The following LRRC7 variants were observed in gnomAD, a reference collection of about 807,000 sequenced individuals.
The protein encoded by LRRC7 is leucine-rich repeat-containing protein 7.
LRRC7 carries 23 observed loss-of-function variants against 175.7 expected under a neutral mutation model. The observed-to-expected ratio is 0.13, with a 90% CI of 0.09 to 0.19. LRRC7 has a LOEUF of 0.19. Ranked by LOEUF, LRRC7 falls within the 10% of genes least tolerant of loss-of-function variation. The pLI is 1.00. For missense variants in LRRC7, 1,354 were observed against 1,904.7 expected, an observed-to-expected ratio of 0.71 and a Z score of 5.38; for synonymous variants, 685 against 680.9, an observed-to-expected ratio of 1.01 and a Z score of -0.09.
At chr1:69,778,395 A>G (rs1190681646) in intron 3 of LRRC7, among the ~76,000 whole-genome samples, 1 of 152,218 alleles carries the variant, frequency 6.6e-6, no homozygotes, top group Non-Finnish European at 1.5e-5. Context: ...TTCCATGGGA[A>G]CTAGTGCAGT....
chr1:69,746,972 T>C (rs1397503525), intron 2 of LRRC7, among the ~76,000 whole-genome samples: 1 of 152,168 alleles, frequency 6.6e-6, no homozygotes, highest in Non-Finnish European at 1.5e-5. Context: ...ACTCTTTCCT[T>C]GGCTTCTAGA....
chr1:70,052,170 GC>G (rs60642013), intron 22 of LRRC7, among the ~76,000 whole-genome samples: 19,351 of 151,802 alleles, frequency 0.13, 1,679 homozygotes, highest in African/African-American at 0.24. Context: ...GAAGAAAGGA[GC>G]CTTTGTGAAA....
chr1:69,700,370 C>T (rs1352421197), intron 2 of LRRC7, among the ~76,000 whole-genome samples: 1 of 152,172 alleles, frequency 6.6e-6, no homozygotes, highest in African/African-American at 2.4e-5. Flanking sequence ...CACTATGTAA[C>T]TATGTGCTAT....
intron 2 of LRRC7, among the ~76,000 whole-genome samples, chr1:69,752,231 C>A (rs558733201): frequency 6.6e-6 from 1 of 152,202 alleles, no homozygotes; most frequent in East Asian, 1.9e-4. Context: ...ACGAGTCTGG[C>A]AGATTTCCAT....
intron 1 of LRRC7, among the ~76,000 whole-genome samples, chr1:69,628,913 T>C (rs954842011): frequency 3.3e-5 from 5 of 152,086 alleles, no homozygotes; most frequent in African/African-American, 1.2e-4. Context: ...ACTGGATATA[T>C]ATGGGCAGGA....
At chr1:69,720,466 T>A (rs538861674) in intron 2 of LRRC7, among the ~76,000 whole-genome samples, 1 of 151,706 alleles carries the variant, frequency 6.6e-6, no homozygotes, top group Non-Finnish European at 1.5e-5. Context: ...TTTCTATTCG[T>A]GTTTATATAG....
chr1:70,128,681 T>G lies in LRRC7; in HGVS notation c.*6794T>G, dbSNP rs1490886350. On this transcript the variant is annotated 3_prime_UTR_variant, in exon 27 of 27. Coordinates refer to ENST00000651989, the MANE Select transcript of LRRC7 (RefSeq NM_001370785.2). ...TATTAAAATAAATATTTGTTGGGCA[T>G]CAACTACATATCAGGTACTATGAGG... The G allele has an allele frequency of 6.6e-6, 1 of 152,186 alleles. No individual in the cohort carries two copies. Among genetic ancestry groups the G allele is most frequent in the African/African-American group, 2.4e-5 (1 of 41,424 alleles). The allele number at this position is 152,186 out of a possible 1,614,324, so 9.4% of individuals were successfully genotyped here.
At chr1:69,594,145 A>G (rs528482832) in intron 1 of LRRC7, among the ~76,000 whole-genome samples, 15 of 152,314 alleles carry the variant, frequency 9.8e-5, no homozygotes, top group African/African-American at 2.2e-4. Flanking sequence ...ATAACATTCA[A>G]TGAAGTTGAC....
intron 7 of LRRC7, among the ~76,000 whole-genome samples, chr1:69,888,407 T>G (rs1645721495): frequency 6.6e-6 from 1 of 152,130 alleles, no homozygotes; most frequent in Admixed American, 6.5e-5. Flanking sequence ...CCCCTTTCTT[T>G]GACTTGGAAA....
At chr1:69,715,040 T>G (rs1570469489) in intron 2 of LRRC7, among the ~76,000 whole-genome samples, 2 of 152,324 alleles carry the variant, frequency 1.3e-5, no homozygotes, top group East Asian at 3.9e-4. Flanking sequence ...CAAAATATCC[T>G]TTAGAGTTCC....
At chr1:70,030,237 A>G (rs1658565849) in intron 18 of LRRC7, among the ~76,000 whole-genome samples, 1 of 152,184 alleles carries the variant, frequency 6.6e-6, no homozygotes, top group African/African-American at 2.4e-5. Flanking sequence ...CCTTAAAAAC[A>G]CTACAGTGAC....
intron 1 of LRRC7, among the ~76,000 whole-genome samples, chr1:69,584,054 A>G (rs755878983): frequency 1.3e-5 from 2 of 152,136 alleles, no homozygotes; most frequent in Non-Finnish European, 2.9e-5. Flanking sequence ...AATATGGCTC[A>G]TTAGGATGGC....
chr1:69,611,448 T>C (rs1047385125), intron 1 of LRRC7, among the ~76,000 whole-genome samples: 1 of 152,080 alleles, frequency 6.6e-6, no homozygotes, highest in Non-Finnish European at 1.5e-5. Flanking sequence ...AATACTGAAT[T>C]AGTGAGTACC....
At chr1:69,747,634 A>C (rs1445353385) in intron 2 of LRRC7, among the ~76,000 whole-genome samples, 1 of 152,136 alleles carries the variant, frequency 6.6e-6, no homozygotes, top group Non-Finnish European at 1.5e-5. Context: ...TCATTTTCTA[A>C]ATAATTTAAT....
chr1:70,095,960 T>C (rs1253335783), intron 25 of LRRC7, among the ~76,000 whole-genome samples: 5 of 151,912 alleles, frequency 3.3e-5, no homozygotes, highest in African/African-American at 4.8e-5. Flanking sequence ...TATATGCATG[T>C]TGTTTTTTTT....
intron 7 of LRRC7, among the ~76,000 whole-genome samples, chr1:69,881,553 G>A (rs1182361058): frequency 3.3e-5 from 5 of 152,082 alleles, no homozygotes; most frequent in Non-Finnish European, 7.4e-5. Context: ...CAAACAAAAA[G>A]GTTTTTACAC....
At chr1:69,865,226 T>A (rs915228170) in intron 7 of LRRC7, among the ~76,000 whole-genome samples, 10 of 152,064 alleles carry the variant, frequency 6.6e-5, no homozygotes, top group Non-Finnish European at 1.2e-4. Flanking sequence ...CAGTAGAGGC[T>A]TCAGTTGACA....
intron 7 of LRRC7, among the ~76,000 whole-genome samples, chr1:69,850,900 A>T (rs1055230417): frequency 6.6e-6 from 1 of 152,136 alleles, no homozygotes; most frequent in African/African-American, 2.4e-5. Context: ...TATATTTAAA[A>T]TTATGAAACT....
intron 2 of LRRC7, among the ~76,000 whole-genome samples, chr1:69,703,347 A>G (rs375690843): frequency 3.9e-5 from 6 of 152,186 alleles, no homozygotes; most frequent in East Asian, 1.9e-4. Flanking sequence ...ACTTCATTTC[A>G]TAAAAGTAAT....
Sources: allele counts gnomAD v4.1 joint callset (sites outside exome capture counted in the v4.1 genomes callset), GRCh38; gene constraint gnomAD v4.1.1; transcripts MANE v1.5; gene names NCBI Gene and HGNC (gene_info 2026-07-23, HGNC 2026-07-21).